The following SATL1 variants were observed in gnomAD, a reference collection of about 807,000 sequenced individuals.
SATL1 encodes spermidine/spermine N1-acetyl transferase like 1, also known as spermidine/spermine N(1)-acetyltransferase-like protein 1.
Under a neutral mutation model 51.8 loss-of-function variants are expected in SATL1, and 47 were observed. The observed-to-expected ratio is 0.91, with a 90% CI of 0.72 to 1.16. The LOEUF (loss-of-function observed/expected upper bound fraction) is 1.16. Ranked by LOEUF, SATL1 falls within the 50% of genes most tolerant of loss-of-function variation. The probability of loss-of-function intolerance (pLI) is 0.00; values close to 1 mark genes in which losing one functional copy is unlikely to be tolerated. For synonymous variants in SATL1, 176 were observed against 182.4 expected, an observed-to-expected ratio of 0.97 and a Z score of 0.28; for missense variants, 520 against 526.4, an observed-to-expected ratio of 0.99 and a Z score of 0.12.
In SATL1 at chrX:85,152,908, G is replaced by A. The variant is rs745448072; in HGVS notation, c.-312-43628C>T. On this transcript the variant is annotated intron_variant, in intron 2 of 7. Coordinates refer to ENST00000644105, the MANE Select transcript of SATL1 (RefSeq NM_001367857.2). Reference sequence around the variant, plus strand: ...GGTGCAGCACACCAGCATGGCACATGTATACATATGTAACTAACCTGCACA... The same window carrying A: ...GGTGCAGCACACCAGCATGGCACATATATACATATGTAACTAACCTGCACA... 3.7e-5 allele frequency among the ~76,000 whole-genome samples: 4 copies of A among 109,532 alleles called. No homozygotes were observed. In the South Asian group the frequency reaches 1.2e-3, roughly 33 times the overall value.
chrX:85,108,971 CCA>C lies in SATL1; in HGVS notation c.-5_-4del. 8.4e-7 allele frequency: 1 copy of C among 1,191,561 alleles called. No individual in the cohort carries two copies. The highest frequency in any genetic ancestry group is 1.1e-6 in the Non-Finnish European group (1 of 883,583). On this transcript the variant is annotated 5_prime_UTR_variant, in exon 3 of 8. Coordinates refer to ENST00000644105, the MANE Select transcript of SATL1 (RefSeq NM_001367857.2). The stretch of plus-strand genomic sequence containing the variant: ...TGGTTCGTGCCTGATTGGTTCATGC[CCA>C]GTTGATTCCTGCTTTGTTGACTAAG...
intron 2 of SATL1, among the ~76,000 whole-genome samples, chrX:85,163,480 T>A (rs1000665520): frequency 6.3e-5 from 7 of 111,377 alleles, no homozygotes; most frequent in African/African-American, 2.3e-4. Flanking sequence ...ATCGTGAAGT[T>A]CAATTAATTT....
intron 2 of SATL1, among the ~76,000 whole-genome samples, chrX:85,125,100 T>C (rs1925589460): frequency 9.1e-6 from 1 of 110,468 alleles, no homozygotes; most frequent in East Asian, 2.9e-4. Context: ...TCTTAGGATA[T>C]TGCATACCCA....
At chrX:85,207,752 A>G (rs1340711731) in intron 2 of SATL1, 1 of 112,103 alleles carries the variant, frequency 8.9e-6, no homozygotes, top group Non-Finnish European at 1.9e-5. Flanking sequence ...GGTTTTTGAA[A>G]TAAGACATGG....
At chrX:85,235,013 A>G (rs968607281) in intron 1 of SATL1, among the ~76,000 whole-genome samples, 2 of 111,531 alleles carry the variant, frequency 1.8e-5, no homozygotes, top group African/African-American at 6.5e-5. Flanking sequence ...GACTGAAAAT[A>G]AAGGGATGAA....
chrX:85,144,477 C>T (rs1446685585), intron 2 of SATL1, among the ~76,000 whole-genome samples: 1 of 111,614 alleles, frequency 9.0e-6, no homozygotes, highest in Non-Finnish European at 1.9e-5. Flanking sequence ...GGGATTCAGA[C>T]AATCTGAACT....
chrX:85,100,905 T>C (rs1172795117), intron 4 of SATL1, among the ~76,000 whole-genome samples: 2 of 111,937 alleles, frequency 1.8e-5, no homozygotes, highest in East Asian at 2.8e-4. Flanking sequence ...AACCCTCACA[T>C]ATCTGACCCA....
chrX:85,227,268 A>T (rs1341482835), intron 1 of SATL1, among the ~76,000 whole-genome samples: 1 of 111,502 alleles, frequency 9.0e-6, no homozygotes, highest in Non-Finnish European at 1.9e-5. Context: ...AATATTTCCT[A>T]TCTCTCTTCA....
intron 2 of SATL1, among the ~76,000 whole-genome samples, chrX:85,194,471 G>C (rs1927508044): frequency 9.0e-6 from 1 of 111,106 alleles, no homozygotes. Flanking sequence ...TTAAAATATA[G>C]AATTGACAGG....
At chrX:85,169,244 C>A (rs1926917055) in intron 2 of SATL1, among the ~76,000 whole-genome samples, 1 of 111,729 alleles carries the variant, frequency 9.0e-6, no homozygotes, top group South Asian at 3.6e-4. Flanking sequence ...CCAGAACCAA[C>A]TGCAACAAAA....
chrX:85,136,926 T>C (rs1271411742), intron 2 of SATL1, among the ~76,000 whole-genome samples: 1 of 111,818 alleles, frequency 8.9e-6, no homozygotes, highest in African/African-American at 3.3e-5. Context: ...TAAATAGTGA[T>C]AACTCTCCCC....
chrX:85,103,064 T>C (rs1321660868), intron 4 of SATL1, among the ~76,000 whole-genome samples: 1 of 111,745 alleles, frequency 8.9e-6, no homozygotes, highest in African/African-American at 3.3e-5. Flanking sequence ...AAAATTACTA[T>C]TTAGTTAACA....
chrX:85,242,986 G>A (rs1346758174), intron 1 of SATL1, among the ~76,000 whole-genome samples: 1 of 111,439 alleles, frequency 9.0e-6, no homozygotes, highest in Non-Finnish European at 1.9e-5. Flanking sequence ...TTTACTATCC[G>A]GCCCTTCATA....
intron 2 of SATL1, among the ~76,000 whole-genome samples, chrX:85,218,341 T>A (rs764131752): frequency 3.6e-5 from 4 of 111,826 alleles, no homozygotes; most frequent in Non-Finnish European, 7.5e-5. Context: ...AGATTCATAC[T>A]TTCTCAGATC....
intron 2 of SATL1, among the ~76,000 whole-genome samples, chrX:85,128,833 A>G (rs753967682): frequency 4.5e-5 from 5 of 112,170 alleles, no homozygotes; most frequent in African/African-American, 1.6e-4. Flanking sequence ...ATAAGGTGTA[A>G]GGAAGGGATC....
rs1013374609 is a variant in SATL1, at chrX:85,092,543, A to G, written c.1936T>C (p.Cys646Arg). 4 of 1,206,199 alleles carry G rather than the reference A, an allele frequency of 3.3e-6. No homozygotes were observed. Among genetic ancestry groups the G allele is most frequent in the African/African-American group, 3.5e-5 (2 of 57,162 alleles). Residue 646 changes from cysteine to arginine, a missense_variant, in exon 8 of 8, where the codon TGT (cysteine) becomes CGT (arginine). Physicochemically the swap from Cys to Arg is radical, Grantham distance 180 (BLOSUM62 -3). Transcript: ENST00000644105. ...RLSQIAITTQ[C>R]NCMHFLVVIW... ...ACGACAAGAAAGTGCATGCAGTTAC[A>G]TTGAGTTGTGATGGCTATCTGTTTA...
In SATL1 at chrX:85,137,563, C is replaced by A. The variant is rs777337539; in HGVS notation, c.-312-28283G>T. Among the ~76,000 whole-genome samples the A allele has an allele frequency of 5.4e-5, 6 of 111,428 alleles. No individual in the cohort carries two copies. The Middle Eastern group carries it at 0.014, about 256-fold the overall frequency. ...CACTCCACTCCACCCCACCTCTACC[C>A]CACTCTGGCTTCTTTCAAGATTTTC... On this transcript the variant is annotated intron_variant, in intron 2 of 7. Transcript: ENST00000644105.
chrX:85,122,531 C>T (rs1015756070), intron 2 of SATL1, among the ~76,000 whole-genome samples: 1 of 111,081 alleles, frequency 9.0e-6, no homozygotes, highest in Non-Finnish European at 1.9e-5. Context: ...GAGCTGGGAC[C>T]CTGCCTGTGT....
chrX:85,169,634 G>C (rs1459633155), intron 2 of SATL1, among the ~76,000 whole-genome samples: 6 of 111,684 alleles, frequency 5.4e-5, no homozygotes, highest in Non-Finnish European at 1.1e-4. Context: ...AGATGCTGGT[G>C]AGGTTGTGGA....
Sources: gnomAD v4.1 joint callset for allele counts (sites outside exome capture counted in the v4.1 genomes callset) on GRCh38, gnomAD v4.1.1 for gene constraint, MANE v1.5 for transcripts, NCBI Gene and HGNC (gene_info 2026-07-23, HGNC 2026-07-21) for gene names.